Variants in LMAN1L observed in about 807,000 individuals in gnomAD.
The protein encoded by LMAN1L is lectin, mannose binding 1 like.
Under a neutral mutation model 58.3 loss-of-function variants are expected in LMAN1L, and 60 were observed. That is an observed-to-expected ratio of 1.03 (90% confidence interval 0.84 to 1.27). LMAN1L has a LOEUF of 1.27. Ranked by LOEUF, LMAN1L falls within the 50% of genes most tolerant of loss-of-function variation. LMAN1L has a pLI of 0.00. For synonymous variants in LMAN1L, 280 were observed against 271.6 expected, an observed-to-expected ratio of 1.03 and a Z score of -0.31; for missense variants, 629 against 674.0, an observed-to-expected ratio of 0.93 and a Z score of 0.74.
chr15:74,818,028 A>AGAG, intron 4 of LMAN1L, among the ~76,000 whole-genome samples: 1 of 149,870 alleles, frequency 6.7e-6, no homozygotes, highest in East Asian at 2.0e-4. Flanking sequence ...AAAAAAAAAA[A>AGAG]AGAGAGAGAG....
intron 9 of LMAN1L, 109 bp downstream of exon 9, chr15:74,821,335 G>A: frequency 7.7e-7 from 1 of 1,302,814 alleles, no homozygotes; most frequent in Non-Finnish European, 1.0e-6. Context: ...AGGAAGGCAG[G>A]GATGAAATGC....
At position 74,818,778 on chromosome 15, in the gene LMAN1L, C is replaced by T; in HGVS notation, c.558C>T (p.Pro186=). The T allele has an allele frequency of 1.2e-6, 2 of 1,611,868 alleles. No homozygotes were observed. Among genetic ancestry groups the T allele is most frequent in the East Asian group, 2.2e-5 (1 of 44,828 alleles). Residue 186 remains proline, a synonymous_variant, in exon 5 of 14, where the codon CCC becomes CCT. Coordinates refer to ENST00000309664, the MANE Select transcript of LMAN1L (RefSeq NM_021819.3). ...GGGACTTCCGGAACCGGCCACACCC[C>T]TTCAGAGCACGGATCACCTACTGGG... is the stretch of plus-strand genomic sequence containing the variant. ...CHWDFRNRPH[P]FRARITYWGQ... is the part of the protein sequence containing the mutation.
In LMAN1L at chr15:74,814,373, TTTTTG is replaced by T. The variant is rs1160720845; in HGVS notation, c.175+1349_175+1353del. On this transcript the variant is annotated intron_variant, in intron 1 of 13. Coordinates refer to ENST00000309664, the MANE Select transcript of LMAN1L (RefSeq NM_021819.3). ...CACACGCAGCTAATTTTTGTTTTTG[TTTTTG>T]TTTTTTTTTTTTTGAGACGGAGTCT... is the stretch of plus-strand genomic sequence containing the variant. Among the ~76,000 whole-genome samples, 30 of 43,490 alleles carry T rather than the reference TTTTTG, an allele frequency of 6.9e-4. 2 individuals are homozygous for T. Among genetic ancestry groups the T allele is most frequent in the Admixed American group, 5.7e-3 (27 of 4,750 alleles). 28.5% of individuals were successfully genotyped at this position (43,490 alleles called of 152,430 possible). A position where few individuals can be genotyped will look rare whatever the true frequency, so the allele number is the denominator to read the frequency against.
At chr15:74,821,963 A>C in intron 10 of LMAN1L, 63 bp downstream of exon 10, 3 of 1,163,672 alleles carry the variant, frequency 2.6e-6, no homozygotes, top group Non-Finnish European at 3.9e-6. Flanking sequence ...GCTCTGGGAG[A>C]ACCAGGGCAG....
chr15:74,820,168 C>T (rs1204375227), intron 7 of LMAN1L, 69 bp downstream of exon 7: 4 of 1,341,160 alleles, frequency 3.0e-6, no homozygotes, highest in Middle Eastern at 1.9e-4. Context: ...GTCATGGTGC[C>T]CTCAGACCTG....
Position 74,825,494 on chromosome 15 carries a change from C to T in LMAN1L, c.1470C>T (p.Ser490=). ...YVHFRQELNK[S]LQECLSTGSL... ...GCAGCAGGCAGGAGCTGAACAAGAG[C>T]CTTCAGGAGTGTCTGTCCACAGGCA... Residue 490 remains serine, a synonymous_variant, in exon 14 of 14, where the codon AGC becomes AGT. Coordinates refer to ENST00000309664, the MANE Select transcript of LMAN1L (RefSeq NM_021819.3). 1 of 1,612,708 alleles carries T rather than the reference C, an allele frequency of 6.2e-7. No individual in the cohort carries two copies. The highest frequency in any genetic ancestry group is 1.1e-5 in the South Asian group (1 of 91,036).
rs1392952970 is a variant in LMAN1L at position 74,821,182 on chromosome 15, A to C, written c.1015A>C (p.Lys339Gln). 9.7e-6 allele frequency: 15 copies of C among 1,550,944 alleles called. No homozygotes were observed. Among genetic ancestry groups the C allele is most frequent in the South Asian group, 4.8e-5 (4 of 84,068 alleles). Residue 339 changes from lysine to glutamine, a missense_variant, in exon 9 of 14, where the codon AAG (lysine) becomes CAG (glutamine). Coordinates refer to ENST00000309664, the MANE Select transcript of LMAN1L (RefSeq NM_021819.3). The part of the protein sequence containing the change: ...QLAQAERQWK[K>Q]QLGPPGQARP... ...GGCCCAGGCTGAGAGACAATGGAAG[A>C]AGCAGCTGGGGCCCCCAGGCCAAGC...
chr15:74,816,135 C>T (rs1303411749), intron 1 of LMAN1L, 22 bp from the exon 2 acceptor site: 1 of 1,541,668 alleles, frequency 6.5e-7, no homozygotes, highest in South Asian at 1.2e-5. Flanking sequence ...GAGCCTGGGG[C>T]TTGAGCTGCC....
Position 74,816,504 on chromosome 15 carries a change from C to T in LMAN1L, c.408C>T (p.Ile136=). The T allele has an allele frequency of 6.4e-7, 1 of 1,551,412 alleles. No individual in the cohort carries two copies. Among genetic ancestry groups the T allele is most frequent in the Non-Finnish European group, 8.7e-7 (1 of 1,144,864 alleles). ...GGLASWDGIG[I]FFDSPAEDTQ... ...TGGCTTCGTGGGACGGCATCGGGAT[C>T]TTCTTTGACTCTCCGGCAGAGGATA... Residue 136 remains isoleucine (I), a synonymous_variant, in exon 3 of 14, where the codon ATC becomes ATT. Coordinates refer to ENST00000309664, the MANE Select transcript of LMAN1L (RefSeq NM_021819.3).
At chr15:74,813,314 A>C in intron 1 of LMAN1L, 3 of 554,402 alleles carry the variant, frequency 5.4e-6, no homozygotes, top group South Asian at 4.6e-5. Context: ...CCCTTCCTCT[A>C]CCTCTGACCT....
At position 74,816,254 on chromosome 15, in the gene LMAN1L, G is replaced by A; in HGVS notation, c.273G>A (p.Trp91Ter). 6.2e-7 allele frequency: 1 copy of A among 1,608,612 alleles called. No individual in the cohort carries two copies. The highest frequency in any genetic ancestry group is 8.5e-7 in the Non-Finnish European group (1 of 1,177,782). ...WSRASVPFSAWEVEVQMRVTG... is the reference protein window; with the variant it reads ...WSRASVPFSA Reference sequence around the variant, plus strand: ...GGGCCTCTGTCCCCTTCTCTGCCTGGGAAGTAGAGGTGCAGATGAGGGTGA... The same window carrying A: ...GGGCCTCTGTCCCCTTCTCTGCCTGAGAAGTAGAGGTGCAGATGAGGGTGA... The change falls in exon 2 of 14, where the codon TGG (tryptophan) becomes TGA (stop). Residue 91 changes from tryptophan (W) to a stop codon, truncating the protein, a stop_gained. Coordinates refer to ENST00000309664, the MANE Select transcript of LMAN1L (RefSeq NM_021819.3). LOFTEE classifies it high-confidence loss of function.
Position 74,825,695 on chromosome 15 carries a change from C to T in LMAN1L, c.*90C>T, listed in dbSNP as rs1477989133. On this transcript the variant is annotated 3_prime_UTR_variant, in exon 14 of 14. Transcript: ENST00000309664. ...GTATCCTCTCCGTCTGGGTGCCCAG[C>T]TCCCACGCACACCTGAGCTTTCGGC... 1.0e-5 allele frequency: 14 copies of T among 1,334,080 alleles called. No homozygotes were observed. The Admixed American group carries it at 2.6e-4, about 25-fold the overall frequency. 82.6% of individuals were successfully genotyped at this position (1,334,080 alleles called of 1,614,324 possible). A position where few individuals can be genotyped will look rare whatever the true frequency, so the allele number is the denominator to read the frequency against.
Position 74,812,922 on chromosome 15 carries a change from C to G in LMAN1L, c.68C>G (p.Pro23Arg), listed in dbSNP as rs1386356985. 6.2e-7 allele frequency: 1 copy of G among 1,614,106 alleles called. No individual in the cohort carries two copies. The change falls in exon 1 of 14, where the codon CCT (proline) becomes CGT (arginine). Residue 23 changes from proline (P) to arginine (R), a missense_variant. Around this residue, in one of 3 missense-constraint regions of LMAN1L, gnomAD observed 573 missense variants for 597.3 expected, o/e 0.96. Transcript: ENST00000309664. The stretch of plus-strand genomic sequence containing the variant: ...CTCCTGCTCCTGGACCCCCACAGCC[C>G]TGAGACGGGGTGTCCTCCTCTACGC... ...LLLLLLDPHS[P>R]ETGCPPLRRF... is the part of the protein sequence containing the mutation.
At chr15:74,816,587 C>A in intron 3 of LMAN1L, 45 bp from the exon 4 acceptor site, 1 of 1,598,582 alleles carries the variant, frequency 6.3e-7, no homozygotes, top group East Asian at 2.2e-5. Context: ...CACCCTCCCC[C>A]TCCCGCCATG....
intron 6 of LMAN1L, 33 bp downstream of exon 6, chr15:74,819,305 G>A: frequency 1.2e-6 from 2 of 1,607,816 alleles, no homozygotes; most frequent in Non-Finnish European, 1.7e-6. Context: ...AAGAGCAGAA[G>A]GGCAGTGATG....
chr15:74,822,797 G>A, intron 11 of LMAN1L, 88 bp downstream of exon 11: 1 of 996,520 alleles, frequency 1.0e-6, no homozygotes, highest in Non-Finnish European at 1.6e-6. Flanking sequence ...ATCATTTCCT[G>A]AGCGCCCAGC....
chr15:74,817,102 C>G (rs566852279), intron 4 of LMAN1L, among the ~76,000 whole-genome samples: 53 of 152,336 alleles, frequency 3.5e-4, no homozygotes, highest in African/African-American at 1.3e-3. Flanking sequence ...TGTCCCTTCC[C>G]TTTCCCCTGA....
At chr15:74,819,778 T>G (rs2063908352) in intron 6 of LMAN1L, 4 of 564,446 alleles carry the variant, frequency 7.1e-6, no homozygotes, top group African/African-American at 3.8e-5. Context: ...TCTGCTGCCA[T>G]GGCTCTAGCC....
intron 5 of LMAN1L, 91 bp downstream of exon 5, chr15:74,818,908 C>T: frequency 8.3e-7 from 1 of 1,203,918 alleles, no homozygotes; most frequent in Non-Finnish European, 1.2e-6. Flanking sequence ...GTGCCTGTGA[C>T]ACCACGTGAG....
Sources: gnomAD v4.1 joint callset for allele counts (sites outside exome capture counted in the v4.1 genomes callset) on GRCh38, gnomAD v4.1.1 for gene constraint, gnomAD v4.1.1 regional missense constraint, MANE v1.5 for transcripts, NCBI Gene and HGNC (gene_info 2026-07-23, HGNC 2026-07-21) for gene names.